TPO: variants seen among roughly 807,000 people sequenced by gnomAD.
TPO encodes thyroid peroxidase, also known as thyroid microsomal antigen.
Under a neutral mutation model 96.9 loss-of-function variants are expected in TPO, and 78 were observed. The observed-to-expected ratio is 0.81, with a 90% confidence interval of 0.67 to 0.97. The LOEUF (loss-of-function observed/expected upper bound fraction) is 0.97. TPO is among the 50% of genes least tolerant of loss of function. The probability of loss-of-function intolerance (pLI) is 0.00; values close to 1 mark genes in which losing one functional copy is unlikely to be tolerated. For missense variants in TPO, 1,252 were observed against 1,274.8 expected, an observed-to-expected ratio of 0.98 and a Z score of 0.27; for synonymous variants, 547 against 538.0, an observed-to-expected ratio of 1.02 and a Z score of -0.23.
At chr2:1,541,067 A>G in intron 16 of TPO, 1 of 1,243,964 alleles carries the variant, frequency 8.0e-7, no homozygotes, top group Non-Finnish European at 1.0e-6. Context: ...TTAAATTCTG[A>G]TTTTTAAGTG....
chr2:1,460,924 G>T (rs1418843133), intron 7 of TPO, among the ~76,000 whole-genome samples: 1 of 152,208 alleles, frequency 6.6e-6, no homozygotes, highest in African/African-American at 2.4e-5. Flanking sequence ...TCCACCTTTG[G>T]GGATCTCCTG....
chr2:1,526,362 CTGTGTGCAACCCCCCAAATGCCCCCCAA>C (rs1476065341), intron 15 of TPO, among the ~76,000 whole-genome samples: 1 of 108,484 alleles, frequency 9.2e-6, no homozygotes, highest in East Asian at 3.2e-4. Flanking sequence ...ATTCCCCCCA[CTGTGTGCAACCCCCCAAATGCCCCCCAA>C]TGTGAGCAAC....
chr2:1,498,571 A>C (rs985644987), intron 13 of TPO, among the ~76,000 whole-genome samples: 1 of 152,226 alleles, frequency 6.6e-6, no homozygotes, highest in Non-Finnish European at 1.5e-5. Context: ...CCAGATTTGC[A>C]GACGTGCTCC....
At chr2:1,392,982 CA>C (rs1446721720) in intron 1 of TPO, among the ~76,000 whole-genome samples, 2 of 152,096 alleles carry the variant, frequency 1.3e-5, no homozygotes, top group African/African-American at 4.8e-5. Context: ...GACTCTTTGT[CA>C]TCACTGGCTT....
intron 2 of TPO, among the ~76,000 whole-genome samples, chr2:1,422,344 C>CGACATTGTGCAGCCGCCTCTCCTGGACA (rs1397279329): frequency 1.3e-4 from 10 of 77,622 alleles, no homozygotes; most frequent in African/African-American, 4.6e-4. Context: ...TCTCCTGGAC[C>CGACATTGTGCAGCCGCCTCTCCTGGACA]GACCTCGTGC....
chr2:1,507,612 T>C (rs28874626), intron 14 of TPO, among the ~76,000 whole-genome samples: 20,604 of 151,790 alleles, frequency 0.14, 1,445 homozygotes, highest in African/African-American at 0.17. Context: ...CCCTTGTAAG[T>C]TGGATTCCTA....
At chr2:1,419,361 C>A (rs1197830566) in intron 2 of TPO, among the ~76,000 whole-genome samples, 1 of 152,184 alleles carries the variant, frequency 6.6e-6, no homozygotes, top group Non-Finnish European at 1.5e-5. Flanking sequence ...AAGGGCGCTG[C>A]AGAGCTAACG....
At chr2:1,529,152 C>A (rs1362777412) in intron 15 of TPO, among the ~76,000 whole-genome samples, 1 of 91,640 alleles carries the variant, frequency 1.1e-5, no homozygotes, top group Non-Finnish European at 2.1e-5. Context: ...TGTGTGCAAC[C>A]TCCCTGAATC....
intron 7 of TPO, among the ~76,000 whole-genome samples, chr2:1,459,483 G>T (rs147085495): frequency 5.3e-5 from 8 of 152,228 alleles, no homozygotes; most frequent in African/African-American, 1.2e-4. Context: ...GAGCACAGAT[G>T]GTTTCGATCT....
chr2:1,434,760 T>C lies in TPO; in HGVS notation c.349+1153T>C, dbSNP rs188419054. Among the ~76,000 whole-genome samples the C allele has an allele frequency of 2.8e-3, 430 of 152,318 alleles. 3 individuals carry two copies. Among genetic ancestry groups the C allele is most frequent in the Admixed American group, 0.013 (192 of 15,302 alleles). On this transcript the variant is annotated intron_variant, in intron 4 of 16. Transcript: ENST00000329066. ...CTCCATAATTTAGAATTTTTTAAAATGATTTCCGTTGTAAGTATAGCCCAT... is the reference window on the plus strand; with the variant it reads ...CTCCATAATTTAGAATTTTTTAAAACGATTTCCGTTGTAAGTATAGCCCAT...
At chr2:1,402,037 C>A (rs56283137) in intron 1 of TPO, among the ~76,000 whole-genome samples, 62,144 of 152,080 alleles carry the variant, frequency 0.41, 13,602 homozygotes, top group Admixed American at 0.53. Flanking sequence ...TGCTTCCTGG[C>A]TGCTCCTCAT....
At chr2:1,493,176 A>G (rs1671938824) in intron 10 of TPO, among the ~76,000 whole-genome samples, 1 of 113,646 alleles carries the variant, frequency 8.8e-6, no homozygotes, top group Non-Finnish European at 1.7e-5. Flanking sequence ...GGCCAGACAG[A>G]TAAAGATATT....
At chr2:1,438,269 G>A (rs986638201) in intron 5 of TPO, among the ~76,000 whole-genome samples, 2 of 152,086 alleles carry the variant, frequency 1.3e-5, no homozygotes, top group African/African-American at 2.4e-5. Context: ...AGAAATATAA[G>A]ACATTGAATT....
chr2:1,507,329 C>T (rs572506892), intron 14 of TPO, among the ~76,000 whole-genome samples: 2 of 152,272 alleles, frequency 1.3e-5, no homozygotes, highest in South Asian at 4.1e-4. Context: ...GTGCCTCCCA[C>T]TTTGTTCTTT....
chr2:1,456,249 T>G lies in TPO; in HGVS notation c.786T>G (p.Thr262=). ...GGGGAGGGGCTGACTGCCAGATGAC[T>G]TGTGAGAACCAAAACCCATGTTTTC... The part of the protein sequence containing the change: ...AFGGGADCQM[T]CENQNPCFPI... The change falls in exon 7 of 17, where the codon ACT becomes ACG. Residue 262 remains threonine, a synonymous_variant. Coordinates refer to ENST00000329066, the MANE Select transcript of TPO (RefSeq NM_001206744.2). 6.2e-7 allele frequency: 1 copy of G among 1,614,116 alleles called. No individual in the cohort carries two copies. Among genetic ancestry groups the G allele is most frequent in the Non-Finnish European group, 8.5e-7 (1 of 1,180,024 alleles).
At chr2:1,392,711 G>A (rs1351647555) in intron 1 of TPO, among the ~76,000 whole-genome samples, 1 of 152,056 alleles carries the variant, frequency 6.6e-6, no homozygotes, top group Non-Finnish European at 1.5e-5. Context: ...CTTCTTCCTG[G>A]TTTAGTCTTG....
rs1661733029 is a variant in TPO at position 1,377,024 on chromosome 2, G to T, written n.180+2622G>T. Among the ~76,000 whole-genome samples the T allele has an allele frequency of 3.9e-5, 6 of 152,304 alleles. No individual in the cohort carries two copies. In the South Asian group the frequency reaches 1.2e-3, roughly 32 times the overall value. ...ATGGAATTTGGCTAGGGAAAAGGAT[G>T]TATATTTTATTGGCTCCCACTGGTG... On this transcript the variant is annotated intron_variant and non_coding_transcript_variant, in intron 1 of 5. Transcript: ENST00000497517.
At chr2:1,419,395 C>T (rs1014243089) in intron 2 of TPO, among the ~76,000 whole-genome samples, 7 of 152,186 alleles carry the variant, frequency 4.6e-5, no homozygotes, top group African/African-American at 1.7e-4. Context: ...CAGAGCTGGC[C>T]ACCCCAGCTC....
In TPO at chr2:1,475,909, T is replaced by G. The variant is rs191099766; in HGVS notation, c.820-1177T>G. On this transcript the variant is annotated intron_variant, in intron 7 of 16. Coordinates refer to ENST00000329066, the MANE Select transcript of TPO (RefSeq NM_001206744.2). ...CCAGAGGGGTTCTGACAGCATCTGCTTTGCTGCTTCACCACAAGGCCGACT... is the reference window on the plus strand; with the variant it reads ...CCAGAGGGGTTCTGACAGCATCTGCGTTGCTGCTTCACCACAAGGCCGACT... 2.1e-3 allele frequency among the ~76,000 whole-genome samples: 325 copies of G among 152,338 alleles called. 2 individuals carry two copies. The highest frequency in any genetic ancestry group is 7.3e-3 in the African/African-American group (304 of 41,586).
Sources: gnomAD v4.1 joint callset for allele counts (sites outside exome capture counted in the v4.1 genomes callset) on GRCh38, gnomAD v4.1.1 for gene constraint, MANE v1.5 for transcripts, NCBI Gene and HGNC (gene_info 2026-07-23, HGNC 2026-07-21) for gene names.